The following TYW1 variants were observed in gnomAD, a reference collection of about 807,000 sequenced individuals.
TYW1 encodes the protein S-adenosyl-L-methionine-dependent tRNA 4-demethylwyosine synthase TYW1.
TYW1 carries 46 observed loss-of-function variants against 96.2 expected under a neutral mutation model. That is an observed-to-expected ratio of 0.48 (90% CI 0.38 to 0.61). The LOEUF is 0.61. Ranked by LOEUF, TYW1 falls within the 20% of genes least tolerant of loss-of-function variation. TYW1 has a pLI of 0.00. For missense variants in TYW1, 684 were observed against 909.6 expected (o/e 0.75, Z 3.19); for synonymous variants, 274 against 323.0 (o/e 0.85, Z 1.63).
chr7:67,083,614 C>T, intron 11 of TYW1, 75 bp downstream of exon 11: 1 of 1,490,588 alleles, frequency 6.7e-7, no homozygotes, highest in Non-Finnish European at 9.1e-7. Flanking sequence ...AGAATTGCCT[C>T]TTTGGTAGGA....
intron 13 of TYW1, among the ~76,000 whole-genome samples, chr7:67,166,323 A>ATATT (rs1449750874): frequency 8.0e-6 from 1 of 125,684 alleles, no homozygotes; most frequent in Non-Finnish European, 1.7e-5. Context: ...TATAATATAT[A>ATATT]ACATATATAA....
intron 3 of TYW1, among the ~76,000 whole-genome samples, chr7:67,005,660 A>C (rs935146530): frequency 6.6e-6 from 1 of 152,218 alleles, no homozygotes; most frequent in Admixed American, 6.6e-5. Context: ...GGACTAAGAC[A>C]GTGTTTCTGA....
chr7:67,026,205 C>T (rs1433398336), intron 7 of TYW1, among the ~76,000 whole-genome samples: 3 of 151,978 alleles, frequency 2.0e-5, no homozygotes, highest in African/African-American at 4.8e-5. Flanking sequence ...CCCGAGTAGC[C>T]GGGACTACAG....
intron 13 of TYW1, among the ~76,000 whole-genome samples, chr7:67,118,114 C>T (rs149301399): frequency 1.4e-4 from 21 of 152,254 alleles, no homozygotes; most frequent in African/African-American, 4.8e-4. Flanking sequence ...CACTTGAGGT[C>T]AGGAGTTCAA....
chr7:67,168,551 C>G (rs1452053248), intron 13 of TYW1, among the ~76,000 whole-genome samples: 1 of 152,028 alleles, frequency 6.6e-6, no homozygotes, highest in African/African-American at 2.4e-5. Flanking sequence ...GTTGTGTTTT[C>G]TTTAGGACTT....
intron 7 of TYW1, among the ~76,000 whole-genome samples, chr7:67,037,069 T>C (rs1794862042): frequency 6.6e-6 from 1 of 152,166 alleles, no homozygotes; most frequent in Non-Finnish European, 1.5e-5. Flanking sequence ...GATTAATTGA[T>C]TGCCTCTGTG....
intron 15 of TYW1, among the ~76,000 whole-genome samples, chr7:67,202,579 T>C (rs1584690286): frequency 6.6e-6 from 1 of 152,112 alleles, no homozygotes; most frequent in Admixed American, 6.5e-5. Flanking sequence ...AAATTTGTTA[T>C]TGAGATGGGG....
chr7:67,040,037 G>A (rs547365722), intron 7 of TYW1, among the ~76,000 whole-genome samples: 1 of 151,408 alleles, frequency 6.6e-6, no homozygotes, highest in African/African-American at 2.4e-5. Context: ...GCTCACTGCA[G>A]CCTCCGCCTC....
chr7:67,152,642 C>T (rs1798839482), intron 13 of TYW1, among the ~76,000 whole-genome samples: 1 of 152,126 alleles, frequency 6.6e-6, no homozygotes, highest in Admixed American at 6.5e-5. Context: ...CCCTCTGTCA[C>T]CCAGGCTAGA....
At chr7:67,013,864 C>T (rs1371768326) in intron 4 of TYW1, among the ~76,000 whole-genome samples, 1 of 151,100 alleles carries the variant, frequency 6.6e-6, no homozygotes, top group Non-Finnish European at 1.5e-5. Context: ...CTGCCTCAGC[C>T]TCCTGAGTAG....
At chr7:67,031,402 G>A (rs1794669802) in intron 7 of TYW1, among the ~76,000 whole-genome samples, 1 of 63,806 alleles carries the variant, frequency 1.6e-5, no homozygotes, top group Non-Finnish European at 2.6e-5. Context: ...AGGCCGAGGT[G>A]GGCGGATCAC....
At chr7:67,156,146 G>T (rs949939317) in intron 13 of TYW1, among the ~76,000 whole-genome samples, 4 of 152,122 alleles carry the variant, frequency 2.6e-5, no homozygotes, top group African/African-American at 9.7e-5. Flanking sequence ...GTGGCTGTGG[G>T]GTCCTGGTCG....
intron 13 of TYW1, among the ~76,000 whole-genome samples, chr7:67,148,544 G>A (rs1006006553): frequency 6.7e-6 from 1 of 149,804 alleles, no homozygotes; most frequent in African/African-American, 2.5e-5. Context: ...TCCTGCCTCA[G>A]CCTCCCGAGT....
intron 15 of TYW1, among the ~76,000 whole-genome samples, chr7:67,224,350 C>T (rs1267030650): frequency 6.6e-6 from 1 of 152,242 alleles, no homozygotes; most frequent in Admixed American, 6.5e-5. Flanking sequence ...CGGTCTTGAA[C>T]TCCTGATCTC....
chr7:67,025,077 G>T (rs1473815931), intron 7 of TYW1, 55 bp downstream of exon 7: 1 of 1,606,686 alleles, frequency 6.2e-7, no homozygotes, highest in East Asian at 2.2e-5. Context: ...TTAACATTTA[G>T]TATTTCTTTA....
chr7:67,173,715 A>G (rs1008960316), intron 13 of TYW1, among the ~76,000 whole-genome samples: 2 of 148,694 alleles, frequency 1.3e-5, no homozygotes, highest in Non-Finnish European at 3.0e-5. Flanking sequence ...TGTTCCTGAT[A>G]TTAATGGGAA....
chr7:67,182,406 T>A (rs1799868890), intron 13 of TYW1, among the ~76,000 whole-genome samples: 1 of 152,086 alleles, frequency 6.6e-6, no homozygotes, highest in South Asian at 2.1e-4. Flanking sequence ...TCTAAAAAAA[T>A]TTTTAAACTT....
chr7:67,032,662 C>G (rs893264399), intron 7 of TYW1, among the ~76,000 whole-genome samples: 1 of 151,916 alleles, frequency 6.6e-6, no homozygotes, highest in African/African-American at 2.4e-5. Flanking sequence ...TACTTGATCA[C>G]TGCTGTCATA....
chr7:67,045,541 AAAAC>A (rs919371169), intron 7 of TYW1, among the ~76,000 whole-genome samples: 11 of 152,360 alleles, frequency 7.2e-5, no homozygotes, highest in Non-Finnish European at 7.3e-5. Context: ...ATTTAAAACA[AAAAC>A]AAACAAAAAA....
Sources: gnomAD v4.1 joint callset for allele counts (sites outside exome capture counted in the v4.1 genomes callset) on GRCh38, gnomAD v4.1.1 for gene constraint, MANE v1.5 for transcripts, NCBI Gene and HGNC (gene_info 2026-07-23, HGNC 2026-07-21) for gene names.